Variants in SLC28A3 observed in about 807,000 individuals in gnomAD.
SLC28A3 encodes the protein solute carrier family 28 member 3.
A neutral mutation model predicts 84.2 loss-of-function variants in SLC28A3; 68 were observed. That is an observed-to-expected ratio of 0.81 (90% confidence interval 0.66 to 0.99). The LOEUF (loss-of-function observed/expected upper bound fraction) is 0.99. Among genes scored for constraint, SLC28A3 ranks in the 50% least tolerant of loss-of-function variants. The pLI is 0.00. For missense variants in SLC28A3, 712 were observed against 841.5 expected (o/e 0.85, Z 1.90); for synonymous variants, 267 against 303.6 (o/e 0.88, Z 1.25).
chr9:84,307,437 A>AACAAAAAAC (rs1554726622), intron 3 of SLC28A3, among the ~76,000 whole-genome samples: 1 of 111,008 alleles, frequency 9.0e-6, no homozygotes, highest in African/African-American at 3.3e-5. Context: ...TCTCAAAAAA[A>AACAAAAAAC]AAAAAAAACA....
upstream of SLC28A3, among the ~76,000 whole-genome samples, chr9:84,343,183 CA>C (rs35239520): frequency 0.056 from 8,038 of 143,358 alleles, 434 homozygotes; most frequent in East Asian, 0.18. Flanking sequence ...GACTCCATCT[CA>C]AAAAAAAAAC....
the SLC28A3 span, among the ~76,000 whole-genome samples, chr9:84,348,187 C>A: frequency 6.6e-6 from 1 of 152,042 alleles, no homozygotes; most frequent in Non-Finnish European, 1.5e-5. Context: ...TATAACATAA[C>A]TGTTAAGAAT....
chr9:84,310,120 T>C (rs530486788), intron 2 of SLC28A3, among the ~76,000 whole-genome samples: 2 of 152,302 alleles, frequency 1.3e-5, no homozygotes, highest in South Asian at 4.1e-4. Flanking sequence ...TCCAAATGAC[T>C]GAGACCAAAG....
At chr9:84,320,045 T>TTGTTG (rs1269923838) in intron 1 of SLC28A3, among the ~76,000 whole-genome samples, 1 of 114,876 alleles carries the variant, frequency 8.7e-6, no homozygotes, top group Non-Finnish European at 1.7e-5. Flanking sequence ...GCACTGTTTT[T>TTGTTG]TTTTTTTTTT....
At chr9:84,309,505 A>G in intron 3 of SLC28A3, 124 bp downstream of exon 3, 1 of 709,444 alleles carries the variant, frequency 1.4e-6, no homozygotes, top group South Asian at 2.0e-5. Context: ...CCTGGGTGAC[A>G]AAGTGAGACT....
chr9:84,320,786 C>T (rs11140524), intron 1 of SLC28A3, among the ~76,000 whole-genome samples: 16,032 of 151,738 alleles, frequency 0.11, 882 homozygotes, highest in Admixed American at 0.13. Flanking sequence ...GGTCAGGAGT[C>T]TGAGACCAGC....
At chr9:84,329,568 C>A (rs2118571020) in intron 1 of SLC28A3, among the ~76,000 whole-genome samples, 1 of 152,186 alleles carries the variant, frequency 6.6e-6, no homozygotes, top group South Asian at 2.1e-4. Flanking sequence ...ATTAAGCACA[C>A]TCCTAAATAA....
At chr9:84,278,441 C>A in intron 17 of SLC28A3, 97 bp from the exon 18 acceptor site, 1 of 1,485,458 alleles carries the variant, frequency 6.7e-7, no homozygotes, top group Non-Finnish European at 9.1e-7. Flanking sequence ...GGGCAGGAAG[C>A]TGATTTTCTT....
rs1442042079 is a variant in SLC28A3, at chr9:84,309,547, AAG to A, written c.242+80_242+81del. On this transcript the variant is annotated intron_variant, in intron 3 of 17. Coordinates refer to ENST00000376238, the MANE Select transcript of SLC28A3 (RefSeq NM_001199633.2). ...TCAAAAAAAAAAAAAAAAAAAAAAA[AAG>A]AAATCAAATGGGGATAAAACAAAGT... 4.0e-4 allele frequency: 315 copies of A among 789,782 alleles called. 1 individual carries two copies. The highest frequency in any genetic ancestry group is 7.4e-4 in the Admixed American group (25 of 33,820). 48.9% of individuals were successfully genotyped at this position (789,782 alleles called of 1,614,324 possible).
At chr9:84,352,420 T>G in the SLC28A3 span, among the ~76,000 whole-genome samples, 1 of 151,842 alleles carries the variant, frequency 6.6e-6, no homozygotes, top group Non-Finnish European at 1.5e-5. Flanking sequence ...CCTGACCTCA[T>G]GATCCGCCTG....
chr9:84,285,303 T>C (rs750424573), intron 14 of SLC28A3, 42 bp downstream of exon 14: 3 of 1,575,292 alleles, frequency 1.9e-6, no homozygotes, highest in African/African-American at 1.3e-5. Flanking sequence ...AATGCAGGTA[T>C]GTGATGAAGA....
At chr9:84,340,811 T>C, upstream of SLC28A3, 1 of 523,228 alleles carries the variant, frequency 1.9e-6, no homozygotes, top group Non-Finnish European at 3.4e-6. Flanking sequence ...CTGGTTGGGG[T>C]GGGGCAGAGA....
chr9:84,321,908 G>A (rs772067287), intron 1 of SLC28A3, among the ~76,000 whole-genome samples: 1 of 152,014 alleles, frequency 6.6e-6, no homozygotes, highest in Non-Finnish European at 1.5e-5. Flanking sequence ...AAATTAATCA[G>A]GTGTGGTGGT....
chr9:84,307,220 C>T (rs1485795335), intron 3 of SLC28A3, among the ~76,000 whole-genome samples: 1 of 150,632 alleles, frequency 6.6e-6, no homozygotes, highest in Non-Finnish European at 1.5e-5. Context: ...CAACTGAGGT[C>T]AGGAATTTGA....
At position 84,297,201 on chromosome 9, in the gene SLC28A3, G is replaced by GA. The variant is rs761704347; in HGVS notation, c.861+19dup. 1,729 of 1,599,700 alleles carry GA rather than the reference G, an allele frequency of 1.1e-3. 2 individuals carry two copies. Among genetic ancestry groups the GA allele is most frequent in the Non-Finnish European group, 1.3e-3 (1,581 of 1,173,622 alleles). On this transcript the variant is annotated intron_variant, in intron 8 of 17. Coordinates refer to ENST00000376238, the MANE Select transcript of SLC28A3 (RefSeq NM_001199633.2). ...CCGCTGAAATAGCAGCGACTACATA[G>GA]AAAAAAGGTTTGACTTTACCTTAAA...
At chr9:84,337,271 T>C (rs1423693966) in intron 1 of SLC28A3, among the ~76,000 whole-genome samples, 1 of 152,164 alleles carries the variant, frequency 6.6e-6, no homozygotes, top group Non-Finnish European at 1.5e-5. Flanking sequence ...CTTGAGTTGG[T>C]ATCCCTTCTT....
rs1824719691 is a variant in SLC28A3, at chr9:84,280,787, TTC to T, written c.1729+12_1729+13del. On this transcript the variant is annotated intron_variant, in intron 15 of 17. Coordinates refer to ENST00000376238, the MANE Select transcript of SLC28A3 (RefSeq NM_001199633.2). ...GGCACATCTGTGTTGTTGAAGAATG[TTC>T]TTTTCACTTACTGAGTCCGCCGATC... The T allele has an allele frequency of 6.2e-7, 1 of 1,613,374 alleles. No homozygotes were observed. The highest frequency in any genetic ancestry group is 1.7e-5 in the Admixed American group (1 of 59,990).
At chr9:84,278,883 A>G (rs1824625071) in intron 17 of SLC28A3, among the ~76,000 whole-genome samples, 1 of 151,972 alleles carries the variant, frequency 6.6e-6, no homozygotes, top group Non-Finnish European at 1.5e-5. Flanking sequence ...GGAATGAAAA[A>G]AAAAAAAAAA....
rs1323780533 is a variant in SLC28A3 at position 84,290,191 on chromosome 9, A to G, written c.1112T>C (p.Ile371Thr). Residue 371 changes from isoleucine (I) to threonine (T), a missense_variant, in exon 11 of 18, where the codon ATT becomes ACT. Physicochemically the swap from Ile to Thr is moderately conservative, Grantham distance 89 (BLOSUM62 -1). Coordinates refer to ENST00000376238, the MANE Select transcript of SLC28A3 (RefSeq NM_001199633.2). ...HAIMTAGFSTIAGSVLGAYIS... is the reference protein window; with the variant it reads ...HAIMTAGFSTTAGSVLGAYIS... Reference sequence around the variant, plus strand: ...GTATGCACCTAGCACGCTTCCAGCAATGGTAGAGAACCCGGCGGTCATGAT... The same window carrying G: ...GTATGCACCTAGCACGCTTCCAGCAGTGGTAGAGAACCCGGCGGTCATGAT... 6.2e-7 allele frequency: 1 copy of G among 1,614,086 alleles called. No individual in the cohort carries two copies. Among genetic ancestry groups the G allele is most frequent in the African/African-American group, 1.3e-5 (1 of 74,948 alleles).
Sources: allele counts gnomAD v4.1 joint callset (sites outside exome capture counted in the v4.1 genomes callset), GRCh38; gene constraint gnomAD v4.1.1; transcripts MANE v1.5; gene names NCBI Gene and HGNC (gene_info 2026-07-23, HGNC 2026-07-21).